SNX27: variants seen among roughly 807,000 people sequenced by gnomAD.
SNX27 encodes sorting nexin 27, also known as sorting nexin-27.
In SNX27, 22 loss-of-function variants were observed where a neutral mutation model predicts 71.6. The observed-to-expected ratio is 0.31, with a 90% CI of 0.22 to 0.44. The LOEUF (loss-of-function observed/expected upper bound fraction) is 0.44. Among genes scored for constraint, SNX27 ranks in the 20% least tolerant of loss-of-function variants. SNX27 has a pLI of 1.00. For missense variants in SNX27, 531 were observed against 698.6 expected (o/e 0.76, Z 2.70); for synonymous variants, 269 against 277.2 (o/e 0.97, Z 0.29).
At position 151,698,337 on chromosome 1, in the gene SNX27, C is replaced by G. The variant is rs1671877876; in HGVS notation, c.*3920C>G. The G allele has an allele frequency of 6.6e-6, 1 of 152,628 alleles. No individual in the cohort carries two copies. Among genetic ancestry groups the G allele is most frequent in the African/African-American group, 2.4e-5 (1 of 41,456 alleles). The allele number at this position is 152,628 out of a possible 1,614,324, so 9.5% of individuals were successfully genotyped here. On this transcript the variant is annotated 3_prime_UTR_variant, in exon 12 of 12. Coordinates refer to ENST00000458013, the MANE Select transcript of SNX27 (RefSeq NM_001330723.2). ...TAGGAGGTAGTTTTCTTGAAGGGGA[C>G]TGCATCCTAGTTGACCTGAATTTTC...
In SNX27 at chr1:151,695,074, G is replaced by T. The variant is rs1280059394; in HGVS notation, c.*657G>T. On this transcript the variant is annotated 3_prime_UTR_variant, in exon 12 of 12. Coordinates refer to ENST00000458013, the MANE Select transcript of SNX27 (RefSeq NM_001330723.2). The stretch of plus-strand genomic sequence containing the variant: ...TTTTTTGTATTGAGTATAGATTCCG[G>T]CTCATGGGTTGCCATAGAGTCTAGG... 6.6e-6 allele frequency: 1 copy of T among 152,520 alleles called. No individual in the cohort carries two copies. The highest frequency in any genetic ancestry group is 1.5e-5 in the Non-Finnish European group (1 of 68,038). 9.4% of individuals were successfully genotyped at this position (152,520 alleles called of 1,614,324 possible). A position where few individuals can be genotyped will look rare whatever the true frequency, so the allele number is the denominator to read the frequency against.
intron 1 of SNX27, among the ~76,000 whole-genome samples, chr1:151,616,374 G>T (rs907524323): frequency 2.6e-5 from 4 of 152,182 alleles, no homozygotes; most frequent in Non-Finnish European, 5.9e-5. Context: ...ATTAGTTTAA[G>T]CATGGACCAC....
At position 151,637,167 on chromosome 1, in the gene SNX27, TTTG is replaced by T. The variant is rs1199527510; in HGVS notation, c.312-1718_312-1716del. 6.3e-4 allele frequency among the ~76,000 whole-genome samples: 58 copies of T among 91,504 alleles called. 13 individuals are homozygous for T. The highest frequency in any genetic ancestry group is 7.5e-4 in the Non-Finnish European group (34 of 45,120). The allele number at this position is 91,504 out of a possible 152,430, so 60.0% of individuals were successfully genotyped here. On this transcript the variant is annotated intron_variant, in intron 1 of 11. Coordinates refer to ENST00000458013, the MANE Select transcript of SNX27 (RefSeq NM_001330723.2). The stretch of plus-strand genomic sequence containing the variant: ...GAGTTGATCACGTTTTTTTTGTTTT[TTTG>T]TTTTTTTTTTTTGAGACAGAGTCTT...
At chr1:151,668,402 A>G (rs1670308499) in intron 6 of SNX27, 70 bp from the exon 7 acceptor site, 1 of 1,408,934 alleles carries the variant, frequency 7.1e-7, no homozygotes, top group African/African-American at 1.4e-5. Context: ...GATCTGCCTT[A>G]CATAGTTTAT....
Position 151,612,564 on chromosome 1 carries a change from C to T in SNX27, c.311+52C>T. Reference sequence around the variant, plus strand: ...CATCCTCCCCGCGCCCCTCCTGCCCCTGCACTCCTCGCTACCCTTGTCACC... The same window carrying T: ...CATCCTCCCCGCGCCCCTCCTGCCCTTGCACTCCTCGCTACCCTTGTCACC... On this transcript the variant is annotated intron_variant, in intron 1 of 11. Coordinates refer to ENST00000458013, the MANE Select transcript of SNX27 (RefSeq NM_001330723.2). The surrounding 1 kb of genome is among the most constrained non-coding windows in gnomAD (Gnocchi z 5.2). 1 of 1,249,586 alleles carries T rather than the reference C, an allele frequency of 8.0e-7. No homozygotes were observed. The highest frequency in any genetic ancestry group is 1.0e-6 in the Non-Finnish European group (1 of 973,470). The allele number at this position is 1,249,586 out of a possible 1,614,324, so 77.4% of individuals were successfully genotyped here.
At chr1:151,688,474 G>A (rs537327062) in intron 8 of SNX27, among the ~76,000 whole-genome samples, 1 of 151,876 alleles carries the variant, frequency 6.6e-6, no homozygotes, top group South Asian at 2.1e-4. Flanking sequence ...TCTACTAAAA[G>A]TACAAAAAAT....
At chr1:151,656,948 T>TTA (rs934518647) in intron 2 of SNX27, among the ~76,000 whole-genome samples, 1 of 152,060 alleles carries the variant, frequency 6.6e-6, no homozygotes, top group Non-Finnish European at 1.5e-5. Context: ...AATTTAAGGA[T>TTA]TATATATAAA....
At chr1:151,693,303 G>T in intron 10 of SNX27, 121 bp from the exon 11 acceptor site, 1 of 1,085,548 alleles carries the variant, frequency 9.2e-7, no homozygotes, top group South Asian at 1.3e-5. Flanking sequence ...TATGGTACTT[G>T]TCAGGGTTTT....
At position 151,662,176 on chromosome 1, in the gene SNX27, G is replaced by A. The variant is rs748570559; in HGVS notation, c.812G>A (p.Gly271Asp). Residue 271 changes from glycine (G) to aspartate (D), a missense_variant, in exon 5 of 12, where the codon GGT becomes GAT. Gly to Asp is a moderately conservative substitution (Grantham distance 94, BLOSUM62 -1). Transcript: ENST00000458013. ...FLSESDENYN[G>D]VSDVELRVAL... ...TGTCTTTTCCCCCAGAACTACAATG[G>A]TGTGTCCGACGTAGAGCTGAGAGTA... 2.7e-5 allele frequency: 44 copies of A among 1,612,772 alleles called. No individual in the cohort carries two copies. The East Asian group carries it at 9.6e-4, about 35-fold the overall frequency.
intron 8 of SNX27, among the ~76,000 whole-genome samples, chr1:151,689,757 T>C (rs1397604902): frequency 1.3e-5 from 2 of 152,328 alleles, no homozygotes; most frequent in African/African-American, 4.8e-5. Context: ...AAGTTTCTGA[T>C]GACTATGTTA....
At chr1:151,623,185 A>G (rs1667755490) in intron 1 of SNX27, among the ~76,000 whole-genome samples, 1 of 151,764 alleles carries the variant, frequency 6.6e-6, no homozygotes, top group Non-Finnish European at 1.5e-5. Flanking sequence ...GCTGTCGCCC[A>G]GGCTGGAGTG....
intron 4 of SNX27, 191 bp downstream of exon 4, chr1:151,661,053 G>T: frequency 1.9e-6 from 1 of 513,178 alleles, no homozygotes; most frequent in Non-Finnish European, 3.5e-6. Context: ...TGAAGTGCCA[G>T]GCCCACTTTC....
Position 151,683,392 on chromosome 1 carries a change from G to A in SNX27, c.1186G>A (p.Glu396Lys), listed in dbSNP as rs773674216. The change falls in exon 8 of 12, where the codon GAA becomes AAA. Residue 396 changes from glutamate (E) to lysine (K), a missense_variant. By Grantham distance (56) the Glu-to-Lys change is moderately conservative. This residue lies in a region of SNX27 where 157 missense variants were observed against 178.4 expected (regional missense o/e 0.88). Coordinates refer to ENST00000458013, the MANE Select transcript of SNX27 (RefSeq NM_001330723.2). The part of the protein sequence containing the change: ...DDVKKGYIKA[E>K]EKSYQLQKLY... ...TGTGAAGAAAGGTTACATCAAAGCAGAAGAAAAGTCCTATCAATTACAGAA... is the reference window on the plus strand; with the variant it reads ...TGTGAAGAAAGGTTACATCAAAGCAAAAGAAAAGTCCTATCAATTACAGAA... The A allele has an allele frequency of 6.2e-7, 1 of 1,613,778 alleles. No individual in the cohort carries two copies. The highest frequency in any genetic ancestry group is 8.5e-7 in the Non-Finnish European group (1 of 1,179,910).
intron 1 of SNX27, among the ~76,000 whole-genome samples, chr1:151,615,245 A>C (rs554725329): frequency 2.6e-5 from 4 of 152,306 alleles, no homozygotes; most frequent in African/African-American, 9.6e-5. Flanking sequence ...TTTGATTTCC[A>C]AATTCTCTGA....
At chr1:151,639,162 T>C (rs781179999) in intron 2 of SNX27, 43 bp downstream of exon 2, 9 of 1,537,456 alleles carry the variant, frequency 5.9e-6, no homozygotes, top group Admixed American at 1.7e-5. Flanking sequence ...CTAGCTTTGT[T>C]TCCCCTAGTC....
intron 11 of SNX27, chr1:151,694,061 T>C (rs761867291): frequency 5.2e-5 from 65 of 1,242,844 alleles, no homozygotes; most frequent in Admixed American, 1.2e-4. Context: ...AGAAAGAACA[T>C]TGGGCTCTGG....
chr1:151,643,096 C>G (rs1438704869), intron 2 of SNX27, among the ~76,000 whole-genome samples: 1 of 151,606 alleles, frequency 6.6e-6, no homozygotes, highest in African/African-American at 2.4e-5. Context: ...CCTAGAGTAG[C>G]TGGGATTACA....
intron 1 of SNX27, chr1:151,629,477 A>T (rs1668102574): frequency 4.9e-5 from 1 of 20,414 alleles, no homozygotes; most frequent in South Asian, 5.5e-4. Context: ...ATACATATAT[A>T]CGTATATATA....
At chr1:151,675,495 G>A (rs1388910083) in intron 7 of SNX27, among the ~76,000 whole-genome samples, 1 of 151,540 alleles carries the variant, frequency 6.6e-6, no homozygotes, top group African/African-American at 2.4e-5. Context: ...TTATGACTGA[G>A]TTAATGTAGT....
Sources: allele counts gnomAD v4.1 joint callset (sites outside exome capture counted in the v4.1 genomes callset), GRCh38; gene constraint gnomAD v4.1.1; regional missense constraint gnomAD v4.1.1; non-coding constraint Gnocchi (gnomAD v3.1); transcripts MANE v1.5; gene names NCBI Gene and HGNC (gene_info 2026-07-23, HGNC 2026-07-21).